The following CA10 variants were observed in gnomAD, a reference collection of about 807,000 sequenced individuals.
The protein encoded by CA10 is carbonic anhydrase-related protein 10.
CA10 carries 14 observed loss-of-function variants against 44.2 expected under a neutral mutation model. The observed-to-expected ratio is 0.32, with a 90% CI of 0.21 to 0.50. CA10 has a LOEUF of 0.50. Ranked by LOEUF, CA10 falls within the 20% of genes least tolerant of loss-of-function variation. The pLI, the probability that CA10 is intolerant of heterozygous loss-of-function variation, is 0.99. For synonymous variants in CA10, 159 were observed against 141.6 expected, an observed-to-expected ratio of 1.12 and a Z score of -0.87; for missense variants, 350 against 409.7, an observed-to-expected ratio of 0.85 and a Z score of 1.26.
intron 2 of CA10, among the ~76,000 whole-genome samples, chr17:52,047,992 C>T (rs57592813): frequency 0.011 from 1,605 of 151,206 alleles, 30 homozygotes; most frequent in African/African-American, 0.037. Context: ...TCAAGACTTG[C>T]TTCTCATCTA....
intron 1 of CA10, among the ~76,000 whole-genome samples, chr17:52,075,784 A>G (rs1466686654): frequency 1.3e-5 from 2 of 152,278 alleles, no homozygotes; most frequent in East Asian, 3.9e-4. Context: ...TACATGTGCT[A>G]AAAGAGGATA....
chr17:51,946,090 T>C (rs974819946), intron 2 of CA10, among the ~76,000 whole-genome samples: 1 of 152,242 alleles, frequency 6.6e-6, no homozygotes, highest in East Asian at 1.9e-4. Flanking sequence ...TACACGTGGA[T>C]TCTAAAATAG....
intron 4 of CA10, among the ~76,000 whole-genome samples, chr17:51,673,572 T>C (rs1462390990): frequency 6.6e-6 from 1 of 152,222 alleles, no homozygotes; most frequent in Non-Finnish European, 1.5e-5. Context: ...ATACACTTCA[T>C]GGTTCTTGCA....
chr17:51,999,542 A>T lies in CA10; in HGVS notation c.137-68410T>A, dbSNP rs557164892. Among the ~76,000 whole-genome samples, 5 of 152,126 alleles carry T rather than the reference A, an allele frequency of 3.3e-5. No homozygotes were observed. The South Asian group carries it at 1.0e-3, about 32-fold the overall frequency. The stretch of plus-strand genomic sequence containing the variant: ...GCACAAGCCTTGTCACTTTTCTGCC[A>T]GCCTGAGTTGTGAGTGTGGGGCAGT... On this transcript the variant is annotated intron_variant, in intron 2 of 8. Coordinates refer to ENST00000451037, the MANE Select transcript of CA10 (RefSeq NM_020178.5).
chr17:51,695,871 C>T (rs1915385962), intron 4 of CA10, among the ~76,000 whole-genome samples: 1 of 151,992 alleles, frequency 6.6e-6, no homozygotes, highest in Non-Finnish European at 1.5e-5. Context: ...GTTTTTATCA[C>T]TTAGGGATGT....
At chr17:51,707,960 G>A (rs1302854243) in intron 4 of CA10, among the ~76,000 whole-genome samples, 1 of 152,126 alleles carries the variant, frequency 6.6e-6, no homozygotes, top group South Asian at 2.1e-4. Context: ...GAGTGGATAA[G>A]ACACTCATGG....
intron 4 of CA10, among the ~76,000 whole-genome samples, chr17:51,673,892 G>A (rs975548999): frequency 1.3e-5 from 2 of 152,168 alleles, no homozygotes; most frequent in African/African-American, 4.8e-5. Context: ...AGCCGGCCAT[G>A]CCAAGCCACT....
At chr17:51,871,938 A>T (rs1011272938) in intron 3 of CA10, among the ~76,000 whole-genome samples, 1 of 152,226 alleles carries the variant, frequency 6.6e-6, no homozygotes, top group Non-Finnish European at 1.5e-5. Flanking sequence ...TGTACCTTAA[A>T]AGATAATATA....
chr17:51,962,908 C>T (rs1007527192), intron 2 of CA10, among the ~76,000 whole-genome samples: 9 of 152,182 alleles, frequency 5.9e-5, no homozygotes, highest in South Asian at 2.1e-4. Context: ...AGTAGTTCTC[C>T]AGCAATGGTC....
chr17:51,670,577 G>A (rs1286963441), intron 4 of CA10, among the ~76,000 whole-genome samples: 4 of 152,102 alleles, frequency 2.6e-5, no homozygotes, highest in South Asian at 2.1e-4. Context: ...CTGGCTGAGG[G>A]GTTCAGTGAT....
intron 3 of CA10, among the ~76,000 whole-genome samples, chr17:51,877,533 A>G (rs763761575): frequency 6.6e-5 from 10 of 152,190 alleles, no homozygotes; most frequent in Non-Finnish European, 1.5e-4. Context: ...ACTCTCTGTA[A>G]TGCATTAGCA....
In CA10 at chr17:51,653,709, G is replaced by T; in HGVS notation, c.493C>A (p.Leu165Ile). 1 of 1,609,530 alleles carries T rather than the reference G, an allele frequency of 6.2e-7. No homozygotes were observed. The highest frequency in any genetic ancestry group is 8.5e-7 in the Non-Finnish European group (1 of 1,175,886). Residue 165 changes from leucine to isoleucine, a missense_variant, in exon 5 of 9, where the codon CTA becomes ATA. Coordinates refer to ENST00000451037, the MANE Select transcript of CA10 (RefSeq NM_020178.5). ...GCAGCTTCTGTGACATTCGTATATA[G>T]CTCATGGTTATAGTGGATGAGCTGC... ...EVQLIHYNHE[L>I]YTNVTEAAKS...
intron 4 of CA10, among the ~76,000 whole-genome samples, chr17:51,660,580 C>T (rs1032938523): frequency 2.6e-5 from 4 of 152,186 alleles, no homozygotes; most frequent in African/African-American, 9.7e-5. Flanking sequence ...TCACTCACCC[C>T]TCATGCCTCA....
intron 2 of CA10, among the ~76,000 whole-genome samples, chr17:51,986,831 G>A (rs1984855109): frequency 6.6e-6 from 1 of 151,868 alleles, no homozygotes; most frequent in African/African-American, 2.4e-5. Flanking sequence ...CTGCAAGAAT[G>A]GCCATAATCA....
intron 3 of CA10, among the ~76,000 whole-genome samples, chr17:51,919,352 C>A (rs1435482482): frequency 6.6e-6 from 1 of 152,040 alleles, no homozygotes; most frequent in Non-Finnish European, 1.5e-5. Context: ...ACAACTGATA[C>A]CAGCTTTTTA....
chr17:52,044,976 C>T (rs1475389004), intron 2 of CA10, among the ~76,000 whole-genome samples: 1 of 151,434 alleles, frequency 6.6e-6, no homozygotes, highest in Non-Finnish European at 1.5e-5. Flanking sequence ...GCTCAATGAA[C>T]CATAAAAAAT....
intron 2 of CA10, among the ~76,000 whole-genome samples, chr17:51,970,879 T>G (rs1218396524): frequency 6.6e-6 from 1 of 152,002 alleles, no homozygotes; most frequent in African/African-American, 2.4e-5. Flanking sequence ...AATAAGTGGT[T>G]TTGAGACTGG....
chr17:51,878,937 TA>T, intron 3 of CA10, among the ~76,000 whole-genome samples: 1 of 138,714 alleles, frequency 7.2e-6, no homozygotes, highest in South Asian at 2.3e-4. Context: ...TGTTTGTGTA[TA>T]TATATATATA....
intron 4 of CA10, among the ~76,000 whole-genome samples, chr17:51,698,268 A>T (rs1396924198): frequency 6.6e-6 from 1 of 152,194 alleles, no homozygotes; most frequent in African/African-American, 2.4e-5. Context: ...TGGCTGGCTC[A>T]TCTGGACCCT....
Sources: allele counts gnomAD v4.1 joint callset (sites outside exome capture counted in the v4.1 genomes callset), GRCh38; gene constraint gnomAD v4.1.1; transcripts MANE v1.5; gene names NCBI Gene and HGNC (gene_info 2026-07-23, HGNC 2026-07-21).